Variants in PAX7 observed in about 807,000 individuals in gnomAD.
The protein encoded by PAX7 is paired box protein Pax-7.
A neutral mutation model predicts 50.7 loss-of-function variants in PAX7; 18 were observed. The observed-to-expected ratio is 0.36, with a 90% CI of 0.25 to 0.53. The LOEUF (loss-of-function observed/expected upper bound fraction) is 0.53. PAX7 is among the 20% of genes least tolerant of loss of function. The pLI is 0.93. For missense variants in PAX7, 644 were observed against 702.9 expected, an observed-to-expected ratio of 0.92 and a Z score of 0.95; for synonymous variants, 310 against 290.4, an observed-to-expected ratio of 1.07 and a Z score of -0.69.
In PAX7 at chr1:18,702,682, C is replaced by T. The variant is rs145602965; in HGVS notation, c.953-412C>T. Among the ~76,000 whole-genome samples the T allele has an allele frequency of 2.7e-3, 416 of 152,294 alleles. 2 individuals are homozygous for T. The highest frequency in any genetic ancestry group is 9.6e-3 in the African/African-American group (398 of 41,570). On this transcript the variant is annotated intron_variant, in intron 6 of 8. Coordinates refer to ENST00000420770, the MANE Select transcript of PAX7 (RefSeq NM_001135254.2). ...TTCTTCATCTGTAAAATGGGATTTA[C>T]AGTCTTGCTTCATACCCTTAGGCAG... is the stretch of plus-strand genomic sequence containing the variant.
intron 7 of PAX7, among the ~76,000 whole-genome samples, chr1:18,722,803 C>T (rs762007071): frequency 1.3e-5 from 2 of 152,288 alleles, no homozygotes; most frequent in East Asian, 1.9e-4. Context: ...AACTCCAAAT[C>T]AGACCTGGGT....
chr1:18,653,251 G>T (rs1056883393), intron 4 of PAX7, among the ~76,000 whole-genome samples: 1 of 150,160 alleles, frequency 6.7e-6, no homozygotes, highest in East Asian at 1.9e-4. Flanking sequence ...TTTGATTTGC[G>T]CTTGGGTTTA....
chr1:18,635,159 G>A lies in PAX7; in HGVS notation c.370G>A (p.Glu124Lys). The change falls in exon 3 of 9, where the codon GAA (glutamate) becomes AAA (lysine). Residue 124 changes from glutamate (E) to lysine (K), a missense_variant. Coordinates refer to ENST00000420770, the MANE Select transcript of PAX7 (RefSeq NM_001135254.2). Reference sequence around the variant, plus strand: ...GAAAAAGATTGAGGAGTACAAGAGGGAAAACCCAGGCATGTTCAGCTGGGA... The same window carrying A: ...GAAAAAGATTGAGGAGTACAAGAGGAAAAACCCAGGCATGTTCAGCTGGGA... The part of the protein sequence containing the change: ...VEKKIEEYKR[E>K]NPGMFSWEIR... 6.2e-7 allele frequency: 1 copy of A among 1,614,086 alleles called. No individual in the cohort carries two copies. Among genetic ancestry groups the A allele is most frequent in the South Asian group, 1.1e-5 (1 of 91,076 alleles).
chr1:18,657,137 C>T (rs974621784), intron 4 of PAX7, among the ~76,000 whole-genome samples: 2 of 152,168 alleles, frequency 1.3e-5, no homozygotes, highest in Admixed American at 6.5e-5. Flanking sequence ...CACGACCCCA[C>T]CTTACCAGGC....
At chr1:18,662,239 T>G (rs1408359629) in intron 4 of PAX7, among the ~76,000 whole-genome samples, 2 of 152,188 alleles carry the variant, frequency 1.3e-5, no homozygotes, top group Non-Finnish European at 2.9e-5. Flanking sequence ...TGACCCGGCC[T>G]TGGCCAAGCT....
At chr1:18,724,185 G>A (rs1018457912) in intron 7 of PAX7, among the ~76,000 whole-genome samples, 1 of 152,200 alleles carries the variant, frequency 6.6e-6, no homozygotes, top group Non-Finnish European at 1.5e-5. Context: ...ATTTGGTCCG[G>A]GAGAGGGCTG....
intron 7 of PAX7, among the ~76,000 whole-genome samples, chr1:18,715,903 T>C (rs1026846537): frequency 4.6e-5 from 7 of 152,004 alleles, no homozygotes; most frequent in Non-Finnish European, 1.0e-4. Context: ...AGAATTCATG[T>C]TCCCTCAACA....
intron 5 of PAX7, among the ~76,000 whole-genome samples, chr1:18,695,025 A>G (rs2089133017): frequency 6.6e-6 from 1 of 152,126 alleles, no homozygotes; most frequent in Admixed American, 6.5e-5. Context: ...ATCGTATAAT[A>G]TCTCATCTCA....
chr1:18,697,081 T>G (rs1036502431), intron 5 of PAX7, among the ~76,000 whole-genome samples: 1 of 152,118 alleles, frequency 6.6e-6, no homozygotes, highest in Non-Finnish European at 1.5e-5. Context: ...CAGTTCAAAG[T>G]GACTGTGCTG....
In PAX7 at chr1:18,634,209, A is replaced by G; in HGVS notation, c.86-94A>G. On this transcript the variant is annotated intron_variant, in intron 1 of 8. Transcript: ENST00000420770. This position sits in a 1 kb window ranked among gnomAD's most constrained non-coding sequence, Gnocchi z 4.0. The stretch of plus-strand genomic sequence containing the variant: ...TGCTGTCTGAGGTCTTGGGGCTCAA[A>G]CAAACAAAACTGGAGTCAGGGAGTG... 9.7e-7 allele frequency: 1 copy of G among 1,031,260 alleles called. No homozygotes were observed. The highest frequency in any genetic ancestry group is 2.2e-5 in the Admixed American group (1 of 45,618). The allele number at this position is 1,031,260 out of a possible 1,614,324, so 63.9% of individuals were successfully genotyped here. A position where few individuals can be genotyped will look rare whatever the true frequency, so the allele number is the denominator to read the frequency against.
chr1:18,699,826 G>C (rs1321462109), intron 5 of PAX7, among the ~76,000 whole-genome samples: 1 of 152,086 alleles, frequency 6.6e-6, no homozygotes, highest in African/African-American at 2.4e-5. Flanking sequence ...CTCCCAAAGT[G>C]CTGGGATTAC....
chr1:18,730,969 G>T (rs1027424590), intron 7 of PAX7, among the ~76,000 whole-genome samples: 2 of 152,156 alleles, frequency 1.3e-5, no homozygotes, highest in Non-Finnish European at 2.9e-5. Flanking sequence ...GGAAGGGACG[G>T]CTGTCTGTCA....
intron 8 of PAX7, among the ~76,000 whole-genome samples, chr1:18,744,189 G>T (rs1343661583): frequency 6.6e-6 from 1 of 152,156 alleles, no homozygotes; most frequent in South Asian, 2.1e-4. Context: ...GATAGAGAAG[G>T]CAGAGAGACC....
intron 6 of PAX7, among the ~76,000 whole-genome samples, chr1:18,702,785 A>C (rs2089238346): frequency 6.6e-6 from 1 of 152,160 alleles, no homozygotes; most frequent in Non-Finnish European, 1.5e-5. Flanking sequence ...GTCCCCATCA[A>C]GGTCTGGTTT....
At chr1:18,698,860 G>A (rs753042587) in intron 5 of PAX7, among the ~76,000 whole-genome samples, 2 of 152,206 alleles carry the variant, frequency 1.3e-5, no homozygotes, top group Non-Finnish European at 2.9e-5. Flanking sequence ...CAAGCTGAAC[G>A]CTGCTTTTCC....
At chr1:18,720,333 G>A (rs527400915) in intron 7 of PAX7, among the ~76,000 whole-genome samples, 8 of 152,284 alleles carry the variant, frequency 5.3e-5, no homozygotes, top group South Asian at 4.1e-4. Context: ...AAATCCTTCC[G>A]AGGCCCAGAG....
chr1:18,656,721 G>A (rs147460539), intron 4 of PAX7, among the ~76,000 whole-genome samples: 19 of 152,074 alleles, frequency 1.2e-4, no homozygotes, highest in East Asian at 3.9e-4. Flanking sequence ...GAGGCGAGAC[G>A]TGGTGGCTCA....
At position 18,729,813 on chromosome 1, in the gene PAX7, C is replaced by A. The variant is rs564184513; in HGVS notation, c.1156-5819C>A. On this transcript the variant is annotated intron_variant, in intron 7 of 8. Coordinates refer to ENST00000420770, the MANE Select transcript of PAX7 (RefSeq NM_001135254.2). Reference sequence around the variant, plus strand: ...GGGTGCAACTTGTCAAAGCCTCACACTCCTGCTCCCTTTCCAGTGTGCAGG... The same window carrying A: ...GGGTGCAACTTGTCAAAGCCTCACAATCCTGCTCCCTTTCCAGTGTGCAGG... 2.0e-5 allele frequency among the ~76,000 whole-genome samples: 3 copies of A among 152,302 alleles called. No individual in the cohort carries two copies. In the East Asian group the frequency reaches 5.8e-4, roughly 29 times the overall value.
At chr1:18,696,325 C>T (rs2089149650) in intron 5 of PAX7, among the ~76,000 whole-genome samples, 1 of 152,064 alleles carries the variant, frequency 6.6e-6, no homozygotes, top group South Asian at 2.1e-4. Flanking sequence ...TCTTGGCCTC[C>T]CAAAGTGCTG....
Sources: gnomAD v4.1 joint callset for allele counts (sites outside exome capture counted in the v4.1 genomes callset) on GRCh38, gnomAD v4.1.1 for gene constraint, Gnocchi (gnomAD v3.1) non-coding constraint, MANE v1.5 for transcripts, NCBI Gene and HGNC (gene_info 2026-07-23, HGNC 2026-07-21) for gene names.